Variants in GABRB1 observed in about 807,000 individuals in gnomAD.
The protein encoded by GABRB1 is gamma-aminobutyric acid receptor subunit beta-1.
GABRB1 carries 17 observed loss-of-function variants against 51.6 expected under a neutral mutation model. That is an observed-to-expected ratio of 0.33 (90% CI 0.23 to 0.49). The LOEUF is 0.49. Among genes scored for constraint, GABRB1 ranks in the 20% least tolerant of loss-of-function variants. The pLI is 0.99. For synonymous variants in GABRB1, 247 were observed against 218.9 expected (o/e 1.13, Z -1.14); for missense variants, 410 against 600.6 (o/e 0.68, Z 3.32).
intron 5 of GABRB1, among the ~76,000 whole-genome samples, chr4:47,369,781 T>C (rs1243394728): frequency 6.6e-6 from 1 of 152,110 alleles, no homozygotes; most frequent in African/African-American, 2.4e-5. Flanking sequence ...CTAGTAATAA[T>C]TGGTACCATG....
At chr4:47,418,318 G>A (rs1029507555) in intron 8 of GABRB1, among the ~76,000 whole-genome samples, 4 of 152,224 alleles carry the variant, frequency 2.6e-5, no homozygotes, top group African/African-American at 9.6e-5. Context: ...TCAGATGAGA[G>A]TTGATTTTGC....
chr4:47,201,701 A>T (rs1460625735), intron 4 of GABRB1, among the ~76,000 whole-genome samples: 2 of 152,148 alleles, frequency 1.3e-5, no homozygotes, highest in African/African-American at 4.8e-5. Context: ...ATATTTTTAA[A>T]TATATGAAAT....
chr4:47,148,634 C>G (rs964462129), intron 3 of GABRB1, among the ~76,000 whole-genome samples: 39 of 151,890 alleles, frequency 2.6e-4, no homozygotes, highest in African/African-American at 9.4e-4. Flanking sequence ...TATTCCACTC[C>G]CCATATTCCT....
chr4:47,070,404 T>C (rs559822773), intron 3 of GABRB1, among the ~76,000 whole-genome samples: 1 of 151,966 alleles, frequency 6.6e-6, no homozygotes, highest in Non-Finnish European at 1.5e-5. Context: ...TGGTCTCACC[T>C]GACTGCAACC....
chr4:47,293,944 C>T lies in GABRB1; in HGVS notation c.462-26183C>T, dbSNP rs531634654. 2.6e-5 allele frequency among the ~76,000 whole-genome samples: 4 copies of T among 152,244 alleles called. No individual in the cohort carries two copies. In the East Asian group the frequency reaches 5.8e-4, roughly 22 times the overall value. On this transcript the variant is annotated intron_variant, in intron 4 of 8. Transcript: ENST00000295454. ...AACATATAACACAAATTTATATGAC[C>T]TTATATATTCTTTTAACATCTTTTT...
intron 5 of GABRB1, among the ~76,000 whole-genome samples, chr4:47,321,280 G>A (rs1339057140): frequency 2.6e-5 from 4 of 152,104 alleles, no homozygotes; most frequent in African/African-American, 7.2e-5. Context: ...AAAATTCCAG[G>A]TGATTCTATA....
chr4:47,263,319 T>G (rs1353324631), intron 4 of GABRB1, among the ~76,000 whole-genome samples: 1 of 152,078 alleles, frequency 6.6e-6, no homozygotes, highest in Non-Finnish European at 1.5e-5. Flanking sequence ...GCAAGGAGGA[T>G]TACCTTGAAC....
chr4:47,244,500 A>G (rs1721662468), intron 4 of GABRB1, among the ~76,000 whole-genome samples: 1 of 152,174 alleles, frequency 6.6e-6, no homozygotes, highest in Non-Finnish European at 1.5e-5. Flanking sequence ...TCAGCTGTGA[A>G]TCCATCTGGT....
At chr4:47,290,657 G>A (rs981034535) in intron 4 of GABRB1, among the ~76,000 whole-genome samples, 1 of 152,282 alleles carries the variant, frequency 6.6e-6, no homozygotes, top group Admixed American at 6.5e-5. Flanking sequence ...GCAGACTGAG[G>A]TGATGTCAGA....
chr4:47,097,986 T>C (rs1003766657), intron 3 of GABRB1, among the ~76,000 whole-genome samples: 7 of 152,182 alleles, frequency 4.6e-5, no homozygotes, highest in African/African-American at 1.7e-4. Flanking sequence ...GCACCTTGTT[T>C]TGAATCACTC....
chr4:47,135,378 A>G (rs1716597245), intron 3 of GABRB1, among the ~76,000 whole-genome samples: 1 of 152,100 alleles, frequency 6.6e-6, no homozygotes, highest in South Asian at 2.1e-4. Context: ...AGATGAAGCT[A>G]TGGCAGCCCA....
At chr4:47,302,185 A>T (rs1185484585) in intron 4 of GABRB1, among the ~76,000 whole-genome samples, 1 of 152,090 alleles carries the variant, frequency 6.6e-6, no homozygotes, top group Non-Finnish European at 1.5e-5. Flanking sequence ...TACAGGGGAG[A>T]TACTGTGAGG....
At chr4:47,282,546 G>T (rs1428975489) in intron 4 of GABRB1, among the ~76,000 whole-genome samples, 1 of 151,930 alleles carries the variant, frequency 6.6e-6, no homozygotes, top group Non-Finnish European at 1.5e-5. Context: ...CAAGTAACTG[G>T]GAATAGCAAC....
chr4:47,088,657 C>T (rs999150647), intron 3 of GABRB1, among the ~76,000 whole-genome samples: 1 of 152,188 alleles, frequency 6.6e-6, no homozygotes, highest in African/African-American at 2.4e-5. Context: ...GGCCAGCTTA[C>T]ATAACAAGGG....
At chr4:47,097,051 C>T (rs1256651918) in intron 3 of GABRB1, among the ~76,000 whole-genome samples, 3 of 152,162 alleles carry the variant, frequency 2.0e-5, no homozygotes, top group South Asian at 2.1e-4. Flanking sequence ...TGATTGCCTA[C>T]GTTCCAGTCT....
In GABRB1 at chr4:47,075,410, C is replaced by G. The variant is rs561759491; in HGVS notation, c.240+42926C>G. ...CCTGCAGTGCAAGCAGGGCTGTTTT[C>G]ATAAAGGCTATGATTAATAGGCAAT... On this transcript the variant is annotated intron_variant, in intron 3 of 8. Coordinates refer to ENST00000295454, the MANE Select transcript of GABRB1 (RefSeq NM_000812.4). Among the ~76,000 whole-genome samples the G allele has an allele frequency of 1.3e-5, 2 of 152,140 alleles. 1 individual carries two copies.
At chr4:47,381,600 C>T (rs369893946) in intron 5 of GABRB1, among the ~76,000 whole-genome samples, 33 of 152,296 alleles carry the variant, frequency 2.2e-4, no homozygotes, top group East Asian at 1.7e-3. Flanking sequence ...AATGAACAGC[C>T]TTCCCTACAA....
At chr4:47,125,559 C>CTTTTTTTTTTTTT (rs71195605) in intron 3 of GABRB1, among the ~76,000 whole-genome samples, 7,029 of 80,468 alleles carry the variant, frequency 0.087, 1,961 homozygotes, top group East Asian at 0.26. Context: ...AGTATAATTT[C>CTTTTTTTTTTTTT]TTTTTTTTTT....
intron 4 of GABRB1, among the ~76,000 whole-genome samples, chr4:47,284,947 G>A (rs1248599212): frequency 6.6e-6 from 1 of 152,194 alleles, no homozygotes; most frequent in Non-Finnish European, 1.5e-5. Context: ...ACATTAGAGT[G>A]AACAACAGAG....
Sources: gnomAD v4.1 joint callset for allele counts (sites outside exome capture counted in the v4.1 genomes callset) on GRCh38, gnomAD v4.1.1 for gene constraint, MANE v1.5 for transcripts, NCBI Gene and HGNC (gene_info 2026-07-23, HGNC 2026-07-21) for gene names.